The following BID variants were observed in gnomAD, a reference collection of about 807,000 sequenced individuals.
BID encodes BH3 interacting domain death agonist, also known as BH3-interacting domain death agonist.
BID carries 19 observed loss-of-function variants against 17.4 expected under a neutral mutation model. The ratio of observed to expected loss-of-function variants is 1.09; its 90% CI spans 0.76 to 1.60. The LOEUF is 1.60. Ranked by LOEUF, BID falls within the 40% of genes most tolerant of loss-of-function variation. The pLI, the probability that BID is intolerant of heterozygous loss-of-function variation, is 0.00. For missense variants in BID, 226 were observed against 256.0 expected, an observed-to-expected ratio of 0.88 and a Z score of 0.80; for synonymous variants, 108 against 102.8, an observed-to-expected ratio of 1.05 and a Z score of -0.31.
intron 5 of BID, among the ~76,000 whole-genome samples, chr22:17,737,222 T>C (rs1171068562): frequency 6.6e-6 from 1 of 152,132 alleles, no homozygotes; most frequent in African/African-American, 2.4e-5. Context: ...ATCGCTGGGA[T>C]TACAGGCTTG....
chr22:17,738,455 GC>G (rs2061435600), intron 4 of BID, among the ~76,000 whole-genome samples: 1 of 152,200 alleles, frequency 6.6e-6, no homozygotes, highest in African/African-American at 2.4e-5. Flanking sequence ...GAGCCCATGT[GC>G]CCACTGTTAG....
rs1209628716 is a variant in BID, at chr22:17,773,990, C to T, written c.-59+391G>A. On this transcript the variant is annotated intron_variant, in intron 1 of 5. Transcript: ENST00000622694. This position sits in a 1 kb window ranked among gnomAD's most constrained non-coding sequence, Gnocchi z 4.4. ...CCGATCCGCCGGCAAGGGTGGCCTG[C>T]ACCCGGCCAGGCCCGCGGGTTTTCT... 4.0e-6 allele frequency: 2 copies of T among 498,942 alleles called. No individual in the cohort carries two copies. Among genetic ancestry groups the T allele is most frequent in the Non-Finnish European group, 7.2e-6 (2 of 276,972 alleles). 30.9% of individuals were successfully genotyped at this position (498,942 alleles called of 1,614,324 possible). A position where few individuals can be genotyped will look rare whatever the true frequency, so the allele number is the denominator to read the frequency against.
At chr22:17,738,670 T>A (rs1179468522) in intron 4 of BID, among the ~76,000 whole-genome samples, 2 of 152,070 alleles carry the variant, frequency 1.3e-5, no homozygotes, top group Non-Finnish European at 2.9e-5. Context: ...CATGCAGAGT[T>A]ACATGGGAGT....
At chr22:17,748,272 G>T (rs796701745) in intron 2 of BID, among the ~76,000 whole-genome samples, 6 of 148,526 alleles carry the variant, frequency 4.0e-5, no homozygotes, top group African/African-American at 1.5e-4. Flanking sequence ...CACTTTGGGA[G>T]GCCCAGACGG....
At chr22:17,757,451 G>C (rs1490561991) in intron 1 of BID, among the ~76,000 whole-genome samples, 1 of 145,436 alleles carries the variant, frequency 6.9e-6, no homozygotes. Flanking sequence ...GCTCATGCCT[G>C]TAATCTCAGC....
At chr22:17,739,192 T>G (rs4819626) in intron 4 of BID, among the ~76,000 whole-genome samples, 157 bp downstream of exon 4, 62,563 of 152,092 alleles carry the variant, frequency 0.41, 14,333 homozygotes, top group East Asian at 0.8. Context: ...TGCAAGGCAA[T>G]GAACCATACC....
intron 2 of BID, among the ~76,000 whole-genome samples, chr22:17,749,212 G>A (rs894906031): frequency 6.6e-6 from 1 of 152,182 alleles, no homozygotes; most frequent in Non-Finnish European, 1.5e-5. Flanking sequence ...GTGATGCAGC[G>A]GGTGGGAGAG....
chr22:17,772,829 C>T (rs996126419), intron 1 of BID, among the ~76,000 whole-genome samples: 2 of 152,088 alleles, frequency 1.3e-5, no homozygotes, highest in South Asian at 2.1e-4. Context: ...CCCACCCAGG[C>T]ACCCTCCCCC....
chr22:17,756,460 TTTCTTTCTTTCTTTCTTTTC>T (rs1569047786), intron 1 of BID, among the ~76,000 whole-genome samples: 4,259 of 115,546 alleles, frequency 0.037, 104 homozygotes, highest in Middle Eastern at 0.069. Context: ...TCTTTCTTTC[TTTCTTTCTTTCTTTCTTTTC>T]TTTCTTTCTT....
At chr22:17,765,538 C>T (rs1362612638) in intron 1 of BID, among the ~76,000 whole-genome samples, 1 of 152,166 alleles carries the variant, frequency 6.6e-6, no homozygotes, top group East Asian at 1.9e-4. Context: ...ATAATGAACA[C>T]ATTTATTTGA....
intron 1 of BID, among the ~76,000 whole-genome samples, chr22:17,765,842 C>A (rs1027406008): frequency 1.5e-4 from 23 of 152,194 alleles, no homozygotes; most frequent in African/African-American, 5.5e-4. Flanking sequence ...TAAAAAGAAA[C>A]TGAAGAAAAG....
At chr22:17,762,873 C>CTGTT (rs58512492) in intron 1 of BID, among the ~76,000 whole-genome samples, 78,744 of 150,830 alleles carry the variant, frequency 0.52, 22,363 homozygotes, top group East Asian at 0.76. Context: ...AAAACAAAAC[C>CTGTT]TGTTTGTTTG....
chr22:17,747,357 G>C (rs1484841652), intron 2 of BID, among the ~76,000 whole-genome samples: 1 of 152,166 alleles, frequency 6.6e-6, no homozygotes, highest in Non-Finnish European at 1.5e-5. Flanking sequence ...GTCTCATTCT[G>C]TTGCCCAGGC....
chr22:17,758,307 T>A (rs1373816521), intron 1 of BID, among the ~76,000 whole-genome samples: 1 of 152,212 alleles, frequency 6.6e-6, no homozygotes, highest in Non-Finnish European at 1.5e-5. Flanking sequence ...CTGGTCAGCA[T>A]CCTTCACAAA....
At chr22:17,755,996 T>C (rs556610319) in intron 1 of BID, among the ~76,000 whole-genome samples, 1 of 151,820 alleles carries the variant, frequency 6.6e-6, no homozygotes, top group South Asian at 2.1e-4. Flanking sequence ...GCCTCCTGAG[T>C]AGCTAGGATT....
chr22:17,749,686 GTGTT>G (rs1463674412), intron 2 of BID, among the ~76,000 whole-genome samples: 1 of 152,112 alleles, frequency 6.6e-6, no homozygotes, highest in Non-Finnish European at 1.5e-5. Flanking sequence ...AATCTCTTTC[GTGTT>G]TGTTTGGACA....
At chr22:17,748,007 G>C (rs1422640911) in intron 2 of BID, among the ~76,000 whole-genome samples, 1 of 151,790 alleles carries the variant, frequency 6.6e-6, no homozygotes, top group Non-Finnish European at 1.5e-5. Context: ...TCAGGAGATC[G>C]AGACCATCCT....
intron 1 of BID, among the ~76,000 whole-genome samples, chr22:17,757,850 G>A (rs1211589945): frequency 3.9e-5 from 6 of 152,288 alleles, no homozygotes; most frequent in South Asian, 2.1e-4. Context: ...GCTGTCACTC[G>A]CGTTTGCCTG....
At chr22:17,767,535 T>C (rs938445050) in intron 1 of BID, among the ~76,000 whole-genome samples, 3 of 152,114 alleles carry the variant, frequency 2.0e-5, no homozygotes, top group African/African-American at 7.2e-5. Flanking sequence ...AAATTCTGAA[T>C]TGAATTGAGC....
Sources: allele counts gnomAD v4.1 joint callset (sites outside exome capture counted in the v4.1 genomes callset), GRCh38; gene constraint gnomAD v4.1.1; non-coding constraint Gnocchi (gnomAD v3.1); transcripts MANE v1.5; gene names NCBI Gene and HGNC (gene_info 2026-07-23, HGNC 2026-07-21).